Variants in ANKRD30A observed in about 807,000 individuals in gnomAD.
ANKRD30A encodes the protein ankyrin repeat domain-containing protein 30A.
A neutral mutation model predicts 166.3 loss-of-function variants in ANKRD30A; 170 were observed. That is an observed-to-expected ratio of 1.02 (90% CI 0.90 to 1.16). ANKRD30A has a LOEUF of 1.16. ANKRD30A is among the 50% of genes most tolerant of loss of function. ANKRD30A has a pLI of 0.00. For missense variants in ANKRD30A, 1,630 were observed against 1,518.0 expected (o/e 1.07, Z -1.23); for synonymous variants, 564 against 508.9 (o/e 1.11, Z -1.46).
Position 37,203,435 on chromosome 10 carries a change from G to A in ANKRD30A, c.2869+2110G>A, listed in dbSNP as rs943709067. ...AAAAGGCCTTTGACAAAATTCAACAGCACTTCATGCTAAAAACTCTCAATA... is the reference window on the plus strand; with the variant it reads ...AAAAGGCCTTTGACAAAATTCAACAACACTTCATGCTAAAAACTCTCAATA... On this transcript the variant is annotated intron_variant, in intron 31 of 35. Transcript: ENST00000361713. 4.0e-4 allele frequency among the ~76,000 whole-genome samples: 61 copies of A among 152,184 alleles called. 1 individual carries two copies. The highest frequency in any genetic ancestry group is 2.1e-4 in the Non-Finnish European group (14 of 67,990).
At position 37,136,652 on chromosome 10, in the gene ANKRD30A, T is replaced by G; in HGVS notation, c.801T>G (p.Asn267Lys). 1 of 1,423,682 alleles carries G rather than the reference T, an allele frequency of 7.0e-7. No individual in the cohort carries two copies. The highest frequency in any genetic ancestry group is 1.3e-5 in the South Asian group (1 of 79,954). The allele number at this position is 1,423,682 out of a possible 1,614,324, so 88.2% of individuals were successfully genotyped here. Residue 267 changes from asparagine (N) to lysine (K), a missense_variant, in exon 6 of 36, where the codon AAT becomes AAG. Physicochemically the swap from Asn to Lys is moderately conservative, Grantham distance 94. Coordinates refer to ENST00000361713, the MANE Select transcript of ANKRD30A (RefSeq NM_052997.3). ...AATATATACGAAAATTATCTAAAAA[T>G]CATCAAAATACCAATCCAGGTAAGA... Reference protein sequence around the residue: ...IMEYIRKLSKNHQNTNPEGTS... With the variant: ...IMEYIRKLSKKHQNTNPEGTS...
chr10:37,209,404 A>C (rs541093800), intron 31 of ANKRD30A, among the ~76,000 whole-genome samples: 1 of 152,122 alleles, frequency 6.6e-6, no homozygotes, highest in Non-Finnish European at 1.5e-5. Context: ...CTTGCACATC[A>C]CATGGCCAGA....
chr10:37,184,393 G>A (rs375784570), intron 24 of ANKRD30A: 1 of 39,584 alleles, frequency 2.5e-5, no homozygotes, highest in South Asian at 5.6e-4. Context: ...GTCAGGTAAC[G>A]GGACAAACAA....
intron 31 of ANKRD30A, among the ~76,000 whole-genome samples, chr10:37,204,323 A>C (rs1841844012): frequency 6.6e-6 from 1 of 152,210 alleles, no homozygotes; most frequent in South Asian, 2.1e-4. Context: ...ACACATCTAC[A>C]ACCATCTGAT....
At position 37,179,346 on chromosome 10, in the gene ANKRD30A, A is replaced by C. The variant is rs188868065; in HGVS notation, c.2421+3128A>C. 7.3e-5 allele frequency among the ~76,000 whole-genome samples: 11 copies of C among 151,036 alleles called. 1 individual carries two copies. The highest frequency in any genetic ancestry group is 2.7e-4 in the African/African-American group (11 of 41,350). On this transcript the variant is annotated intron_variant, in intron 24 of 35. Coordinates refer to ENST00000361713, the MANE Select transcript of ANKRD30A (RefSeq NM_052997.3). ...AATATTTAAAAGTCTGTTGTAACTA[A>C]ATTTAAATGAAATACATCAATATTG...
the ANKRD30A span, among the ~76,000 whole-genome samples, chr10:37,256,829 C>T: frequency 6.6e-6 from 1 of 152,122 alleles, no homozygotes; most frequent in Non-Finnish European, 1.5e-5. Context: ...CATCGATGTT[C>T]ATAAGGGATA....
chr10:37,140,508 C>T (rs1164643054), intron 6 of ANKRD30A, among the ~76,000 whole-genome samples: 1 of 152,086 alleles, frequency 6.6e-6, no homozygotes, highest in Non-Finnish European at 1.5e-5. Flanking sequence ...TAGTCTTGTA[C>T]CAACAAGGTC....
chr10:37,232,695 A>ATATATATAT (rs1564604874), downstream of ANKRD30A: 61 of 10,786 alleles, frequency 5.7e-3, no homozygotes, highest in African/African-American at 0.013. Flanking sequence ...TATATATATA[A>ATATATATAT]ATAGAGAGAG....
rs1564489646 is a variant in ANKRD30A at position 37,149,805 on chromosome 10, C to T, written c.1601C>T (p.Pro534Leu). 6.2e-7 allele frequency: 1 copy of T among 1,612,836 alleles called. No individual in the cohort carries two copies. The highest frequency in any genetic ancestry group is 1.3e-5 in the African/African-American group (1 of 74,962). Residue 534 changes from proline (P) to leucine (L), a missense_variant, in exon 11 of 36, where the codon CCA (proline) becomes CTA (leucine). This residue lies in a region of ANKRD30A where 904 missense variants were observed against 818.5 expected (regional missense o/e 1.10). Coordinates refer to ENST00000361713, the MANE Select transcript of ANKRD30A (RefSeq NM_052997.3). ...GCCATTGAAATGCAAAACTCTGTTC[C>T]AAATAAAGCCTTTGAATTGAAGAAT... Reference protein sequence around the residue: ...KPAIEMQNSVPNKAFELKNEQ... With the variant: ...KPAIEMQNSVLNKAFELKNEQ...
intron 7 of ANKRD30A, 62 bp from the exon 8 acceptor site, chr10:37,144,933 T>C (rs1837392725): frequency 8.0e-7 from 1 of 1,243,836 alleles, no homozygotes; most frequent in Non-Finnish European, 1.1e-6. Flanking sequence ...GATTTGTATA[T>C]GTTTTAAAAA....
Position 37,162,154 on chromosome 10 carries a change from A to G in ANKRD30A, c.1901-495A>G, listed in dbSNP as rs143402831. On this transcript the variant is annotated intron_variant, in intron 15 of 35. Transcript: ENST00000361713. ...ACCATATGGTTATGGAAAAAAACAA[A>G]TATTCATATTTAGTGTTATGACCTA... Among the ~76,000 whole-genome samples, 334 of 152,272 alleles carry G rather than the reference A, an allele frequency of 2.2e-3. 1 individual carries two copies. The highest frequency in any genetic ancestry group is 7.6e-3 in the African/African-American group (315 of 41,556).
the ANKRD30A span, among the ~76,000 whole-genome samples, chr10:37,260,453 C>T: frequency 6.6e-6 from 1 of 152,152 alleles, no homozygotes; most frequent in Admixed American, 6.6e-5. Context: ...TCTTACCTTA[C>T]CCAGCAGCAG....
intron 34 of ANKRD30A, among the ~76,000 whole-genome samples, chr10:37,220,568 T>C (rs959645074): frequency 6.6e-6 from 1 of 151,252 alleles, no homozygotes; most frequent in African/African-American, 2.4e-5. Flanking sequence ...AAATAATACC[T>C]TAGGACAAAT....
chr10:37,129,867 G>A (rs914882787), intron 1 of ANKRD30A, 26 bp from the exon 2 acceptor site: 1 of 1,420,072 alleles, frequency 7.0e-7, no homozygotes, highest in Non-Finnish European at 9.3e-7. Flanking sequence ...ACTAAACTTT[G>A]CCAAAAAGTC....
At chr10:37,138,354 A>G (rs1489582825) in intron 6 of ANKRD30A, among the ~76,000 whole-genome samples, 1 of 152,242 alleles carries the variant, frequency 6.6e-6, no homozygotes, top group Admixed American at 6.5e-5. Context: ...GCTCCTCACC[A>G]GCAACAGAAC....
At chr10:37,205,307 G>A (rs1414743694) in intron 31 of ANKRD30A, among the ~76,000 whole-genome samples, 1 of 152,100 alleles carries the variant, frequency 6.6e-6, no homozygotes, top group Non-Finnish European at 1.5e-5. Context: ...TAGGGACATG[G>A]ATGAAGCTGG....
chr10:37,160,955 T>G (rs1838804787), intron 15 of ANKRD30A, among the ~76,000 whole-genome samples: 1 of 152,096 alleles, frequency 6.6e-6, no homozygotes, highest in Non-Finnish European at 1.5e-5. Context: ...GTTACACATA[T>G]TTATTTTAAA....
At chr10:37,159,519 C>G (rs1382528041) in intron 15 of ANKRD30A, among the ~76,000 whole-genome samples, 1 of 151,848 alleles carries the variant, frequency 6.6e-6, no homozygotes, top group Non-Finnish European at 1.5e-5. Context: ...TCTGAAAAAG[C>G]AAAGAAATAA....
At chr10:37,133,522 A>G (rs1836497295) in intron 4 of ANKRD30A, among the ~76,000 whole-genome samples, 1 of 152,228 alleles carries the variant, frequency 6.6e-6, no homozygotes, top group African/African-American at 2.4e-5. Flanking sequence ...GACTACTACT[A>G]ATATCATTAT....
Sources: gnomAD v4.1 joint callset for allele counts (sites outside exome capture counted in the v4.1 genomes callset) on GRCh38, gnomAD v4.1.1 for gene constraint, gnomAD v4.1.1 regional missense constraint, MANE v1.5 for transcripts, NCBI Gene and HGNC (gene_info 2026-07-23, HGNC 2026-07-21) for gene names.